Variants in RGS6 observed in about 807,000 individuals in gnomAD.
The protein encoded by RGS6 is regulator of G-protein signaling 6.
RGS6 carries 30 observed loss-of-function variants against 78.5 expected under a neutral mutation model. That is an observed-to-expected ratio of 0.38 (90% confidence interval 0.29 to 0.52). The LOEUF is 0.52. RGS6 is among the 20% of genes least tolerant of loss of function. The probability of loss-of-function intolerance (pLI) is 0.85; values close to 1 mark genes in which losing one functional copy is unlikely to be tolerated. For synonymous variants in RGS6, 206 were observed against 206.0 expected (o/e 1.00, Z 0.00); for missense variants, 495 against 609.7 (o/e 0.81, Z 1.98).
intron 15 of RGS6, among the ~76,000 whole-genome samples, chr14:72,533,803 C>A (rs569641555): frequency 2.3e-4 from 35 of 152,196 alleles, no homozygotes; most frequent in Non-Finnish European, 4.3e-4. Context: ...ATTGCTACAA[C>A]TTCATAATAA....
chr14:72,266,067 A>T (rs904945738), intron 2 of RGS6, among the ~76,000 whole-genome samples: 1 of 151,594 alleles, frequency 6.6e-6, no homozygotes, highest in African/African-American at 2.4e-5. Context: ...CCCTATCATC[A>T]CTCATGATTT....
intron 4 of RGS6, 29 bp from the exon 5 acceptor site, chr14:72,458,242 C>G: frequency 1.9e-6 from 3 of 1,544,452 alleles, no homozygotes; most frequent in Non-Finnish European, 2.7e-6. Context: ...CTTTCTAATT[C>G]CTTCTCTCTC....
chr14:72,539,891 T>A (rs1040106323), intron 16 of RGS6, 150 bp from the exon 17 acceptor site: 1 of 656,216 alleles, frequency 1.5e-6, no homozygotes, highest in Non-Finnish European at 2.5e-6. Flanking sequence ...CCAACAGCTC[T>A]GGCTGCTTCT....
At chr14:72,129,783 T>A (rs1187060814) in intron 2 of RGS6, among the ~76,000 whole-genome samples, 2 of 152,164 alleles carry the variant, frequency 1.3e-5, no homozygotes, top group Non-Finnish European at 2.9e-5. Context: ...GAACTGTCAC[T>A]GTGTTGCTCC....
the RGS6 span, among the ~76,000 whole-genome samples, chr14:72,611,522 A>C: frequency 9.4e-5 from 14 of 149,690 alleles, no homozygotes; most frequent in African/African-American, 3.2e-4. Context: ...CCACCCCCCC[A>C]GTCCCGCTCT....
chr14:72,533,894 A>T (rs1341210860), intron 15 of RGS6, among the ~76,000 whole-genome samples: 1 of 152,262 alleles, frequency 6.6e-6, no homozygotes, highest in African/African-American at 2.4e-5. Context: ...CCTAATGAAG[A>T]TGTTGCAAAC....
chr14:72,621,252 G>A, the RGS6 span, among the ~76,000 whole-genome samples: 1 of 152,042 alleles, frequency 6.6e-6, no homozygotes, highest in Non-Finnish European at 1.5e-5. Context: ...GCCCTTGGGG[G>A]CAAAATCTTG....
chr14:72,162,393 C>T (rs759951031), intron 2 of RGS6, among the ~76,000 whole-genome samples: 1 of 152,110 alleles, frequency 6.6e-6, no homozygotes, highest in South Asian at 2.1e-4. Flanking sequence ...AACCACTCTG[C>T]AAAATGAAAC....
At chr14:71,878,289 C>A in the RGS6 span, among the ~76,000 whole-genome samples, 1 of 152,232 alleles carries the variant, frequency 6.6e-6, no homozygotes, top group South Asian at 2.1e-4. Flanking sequence ...GTGGAGTCTA[C>A]AGAGGCAGGC....
chr14:72,097,488 G>C (rs2095432778), intron 2 of RGS6, among the ~76,000 whole-genome samples: 2 of 152,224 alleles, frequency 1.3e-5, no homozygotes, highest in African/African-American at 4.8e-5. Flanking sequence ...TGGCAATAGA[G>C]CAAGTTTTAA....
intron 2 of RGS6, among the ~76,000 whole-genome samples, chr14:72,305,798 T>C (rs1316261829): frequency 6.6e-6 from 1 of 152,194 alleles, no homozygotes; most frequent in East Asian, 1.9e-4. Context: ...GTCATACATC[T>C]CTCACTTTAA....
chr14:72,297,625 C>G (rs1323399073), intron 2 of RGS6, among the ~76,000 whole-genome samples: 3 of 131,676 alleles, frequency 2.3e-5, no homozygotes. Context: ...CTTCATGTGT[C>G]CAGGTGATCT....
chr14:72,099,522 G>T (rs1009731942), intron 2 of RGS6, among the ~76,000 whole-genome samples: 6 of 152,078 alleles, frequency 3.9e-5, no homozygotes, highest in African/African-American at 1.4e-4. Context: ...TTCACCTTAG[G>T]CACAGGTGGA....
chr14:72,413,336 C>G (rs570125707), intron 3 of RGS6, among the ~76,000 whole-genome samples: 2 of 152,266 alleles, frequency 1.3e-5, no homozygotes, highest in South Asian at 4.1e-4. Context: ...CCTTCTTTGT[C>G]TCTTTTGATC....
At chr14:72,397,899 G>A (rs1596796268) in intron 3 of RGS6, among the ~76,000 whole-genome samples, 2 of 152,298 alleles carry the variant, frequency 1.3e-5, no homozygotes, top group South Asian at 2.1e-4. Flanking sequence ...CAGGGATGAA[G>A]CCCACTTGAT....
chr14:71,897,105 T>G, the RGS6 span, among the ~76,000 whole-genome samples: 1 of 152,208 alleles, frequency 6.6e-6, no homozygotes, highest in Non-Finnish European at 1.5e-5. Flanking sequence ...GGGGGTATAA[T>G]CCACAAAGTC....
chr14:72,266,322 G>C (rs1028363235), intron 2 of RGS6, among the ~76,000 whole-genome samples: 1 of 152,220 alleles, frequency 6.6e-6, no homozygotes, highest in East Asian at 1.9e-4. Flanking sequence ...GCTTCCACAA[G>C]AGTGAGCATT....
chr14:72,003,962 A>G (rs10873248), intron 2 of RGS6, among the ~76,000 whole-genome samples: 142,792 of 152,282 alleles, frequency 0.94, 67,040 homozygotes, highest in East Asian at 0.99. Flanking sequence ...CCAGCAGCTG[A>G]GGGGTGAAAT....
chr14:72,066,974 C>T (rs2094182229), intron 2 of RGS6, among the ~76,000 whole-genome samples: 1 of 152,150 alleles, frequency 6.6e-6, no homozygotes, highest in South Asian at 2.1e-4. Flanking sequence ...ATCCATGTCC[C>T]TGCAAAGGAC....
Sources: allele counts gnomAD v4.1 joint callset (sites outside exome capture counted in the v4.1 genomes callset), GRCh38; gene constraint gnomAD v4.1.1; transcripts MANE v1.5; gene names NCBI Gene and HGNC (gene_info 2026-07-23, HGNC 2026-07-21).